MAP4K4: variants seen among roughly 807,000 people sequenced by gnomAD.
The protein encoded by MAP4K4 is HPK/GCK-like kinase HGK.
In MAP4K4, 38 loss-of-function variants were observed where a neutral mutation model predicts 189.6. That is an observed-to-expected ratio of 0.20 (90% confidence interval 0.15 to 0.26). The LOEUF is 0.26. Ranked by LOEUF, MAP4K4 falls within the 10% of genes least tolerant of loss-of-function variation. The pLI, the probability that MAP4K4 is intolerant of heterozygous loss-of-function variation, is 1.00. For missense variants in MAP4K4, 1,054 were observed against 1,726.9 expected, an observed-to-expected ratio of 0.61 and a Z score of 6.91; for synonymous variants, 610 against 624.3, an observed-to-expected ratio of 0.98 and a Z score of 0.34.
intron 2 of MAP4K4, among the ~76,000 whole-genome samples, chr2:101,704,444 C>A (rs549380252): frequency 1.5e-4 from 23 of 149,930 alleles, no homozygotes; most frequent in African/African-American, 5.7e-4. Flanking sequence ...CTGCTTGAAA[C>A]TTTGTGATAA....
At position 101,792,716 on chromosome 2, in the gene MAP4K4, A is replaced by T. The variant is rs554654953; in HGVS notation, c.180+1940A>T. 4.6e-5 allele frequency among the ~76,000 whole-genome samples: 7 copies of T among 150,852 alleles called. No individual in the cohort carries two copies. The South Asian group carries it at 1.3e-3, about 27-fold the overall frequency. On this transcript the variant is annotated intron_variant, in intron 3 of 32. Coordinates refer to ENST00000324219, the Ensembl canonical transcript of MAP4K4. ...TGTGGTGCAATCTCTGCTCATTGCA[A>T]CCTCCACCTCCTGGGTTCAAGCAAT... is the stretch of plus-strand genomic sequence containing the variant.
chr2:101,799,235 A>G (rs926162424), intron 3 of MAP4K4, among the ~76,000 whole-genome samples: 1 of 152,246 alleles, frequency 6.6e-6, no homozygotes. Context: ...AAATGGAATA[A>G]TGCCTACTTC....
intron 26 of MAP4K4, among the ~76,000 whole-genome samples, chr2:101,876,341 A>G (rs1357121516): frequency 6.6e-6 from 1 of 152,212 alleles, no homozygotes; most frequent in Non-Finnish European, 1.5e-5. Flanking sequence ...AGGAGGCAGC[A>G]GAAGAGTGTG....
chr2:101,885,721 CATT>C (rs1048167164), intron 29 of MAP4K4, among the ~76,000 whole-genome samples: 5 of 152,140 alleles, frequency 3.3e-5, no homozygotes, highest in African/African-American at 9.7e-5. Flanking sequence ...CTGATGACAA[CATT>C]ATATACTAAG....
intron 7 of MAP4K4, 37 bp from the exon 8 acceptor site, chr2:101,834,372 A>T (rs897122847): frequency 1.3e-6 from 2 of 1,512,664 alleles, no homozygotes; most frequent in Non-Finnish European, 1.8e-6. Flanking sequence ...CTTTGTATCT[A>T]CTCCAGTATC....
intron 27 of MAP4K4, among the ~76,000 whole-genome samples, chr2:101,880,514 T>C (rs866643021): frequency 5.3e-5 from 8 of 151,398 alleles, no homozygotes; most frequent in Admixed American, 3.9e-4. Flanking sequence ...TAGTTCTATT[T>C]TTTTTTTTTT....
chr2:101,754,559 G>A (rs2150032629), intron 2 of MAP4K4, among the ~76,000 whole-genome samples: 1 of 152,130 alleles, frequency 6.6e-6, no homozygotes, highest in Admixed American at 6.5e-5. Flanking sequence ...ACTATATGTT[G>A]GCCAGGCTGG....
chr2:101,843,969 T>C (rs769171124), intron 11 of MAP4K4, 132 bp from the exon 12 acceptor site: 1 of 622,970 alleles, frequency 1.6e-6, no homozygotes, highest in Non-Finnish European at 2.9e-6. Flanking sequence ...TGTGGATGTA[T>C]TAGTTGTCTC....
chr2:101,797,502 C>T, intron 3 of MAP4K4: 1 of 807,402 alleles, frequency 1.2e-6, no homozygotes, highest in Non-Finnish European at 1.7e-6. Context: ...ACTAATGTGC[C>T]ATGTTTGTGG....
rs1336027514 is a variant in MAP4K4 at position 101,753,487 on chromosome 2, A to G, written c.124-37233A>G. 3.3e-5 allele frequency among the ~76,000 whole-genome samples: 5 copies of G among 152,322 alleles called. No individual in the cohort carries two copies. The East Asian group carries it at 9.6e-4, about 29-fold the overall frequency. ...TGGAGGATTTAGCAAAATAGGGTAGATATCCATCTTTTTTTGTTGAGGTTC... is the reference window on the plus strand; with the variant it reads ...TGGAGGATTTAGCAAAATAGGGTAGGTATCCATCTTTTTTTGTTGAGGTTC... On this transcript the variant is annotated intron_variant, in intron 2 of 32. Coordinates refer to ENST00000324219, the Ensembl canonical transcript of MAP4K4.
At chr2:101,848,399 C>T (rs755793261) in intron 12 of MAP4K4, among the ~76,000 whole-genome samples, 4 of 152,010 alleles carry the variant, frequency 2.6e-5, no homozygotes, top group Admixed American at 6.6e-5. Context: ...GGTTCGTAGC[C>T]CTTTATTGGC....
intron 6 of MAP4K4, among the ~76,000 whole-genome samples, chr2:101,830,651 T>C (rs1233549761): frequency 2.6e-5 from 4 of 152,180 alleles, no homozygotes; most frequent in Non-Finnish European, 5.9e-5. Flanking sequence ...GAAACTCCCC[T>C]CAGAGCTAAC....
intron 3 of MAP4K4, among the ~76,000 whole-genome samples, chr2:101,803,514 T>A (rs1170956339): frequency 6.6e-6 from 1 of 152,146 alleles, no homozygotes; most frequent in East Asian, 1.9e-4. Flanking sequence ...CCCCTGCCCT[T>A]TTTTTTGCCT....
chr2:101,737,140 G>A (rs1574554527), intron 2 of MAP4K4, among the ~76,000 whole-genome samples: 4 of 152,120 alleles, frequency 2.6e-5, no homozygotes, highest in East Asian at 1.9e-4. Flanking sequence ...ACCTGGGAGA[G>A]CTGCCATTCT....
chr2:101,839,807 C>T lies in MAP4K4; in HGVS notation c.774-12C>T, dbSNP rs2096865830. The stretch of plus-strand genomic sequence containing the variant: ...GTGGTGGAAATTTGATGATCTTTTT[C>T]ACTTCTTACAGGTCGAAGAAGTTTT... On this transcript the variant is annotated splice_polypyrimidine_tract_variant and intron_variant, in intron 9 of 32. Transcript: ENST00000324219. The T allele has an allele frequency of 6.4e-7, 1 of 1,552,136 alleles. No homozygotes were observed. Among genetic ancestry groups the T allele is most frequent in the Non-Finnish European group, 8.7e-7 (1 of 1,153,900 alleles).
chr2:101,850,321 G>C (rs530225421), intron 12 of MAP4K4, among the ~76,000 whole-genome samples: 1 of 152,314 alleles, frequency 6.6e-6, no homozygotes, highest in East Asian at 1.9e-4. Context: ...AATGGGATTA[G>C]TATTGATATT....
chr2:101,883,873 C>T (rs113152769), intron 28 of MAP4K4, among the ~76,000 whole-genome samples: 194 of 152,062 alleles, frequency 1.3e-3, no homozygotes, highest in Non-Finnish European at 2.5e-3. Flanking sequence ...TCTAATGATA[C>T]GGGAAAGTAG....
chr2:101,758,693 C>G (rs73943762), intron 2 of MAP4K4, among the ~76,000 whole-genome samples: 1 of 152,024 alleles, frequency 6.6e-6, no homozygotes, highest in South Asian at 2.1e-4. Context: ...GGAGGAACTA[C>G]GTGGTCTAAA....
intron 10 of MAP4K4, among the ~76,000 whole-genome samples, chr2:101,840,247 C>T (rs760605667): frequency 3.4e-4 from 51 of 152,064 alleles, no homozygotes; most frequent in Admixed American, 2.6e-4. Flanking sequence ...TTCTTGTTCC[C>T]GAGGGTCACG....
Sources: gnomAD v4.1 joint callset for allele counts (sites outside exome capture counted in the v4.1 genomes callset) on GRCh38, gnomAD v4.1.1 for gene constraint, MANE v1.5 for transcripts, NCBI Gene and HGNC (gene_info 2026-07-23, HGNC 2026-07-21) for gene names.